Variants in NMT2 observed in about 807,000 individuals in gnomAD.
NMT2 encodes glycylpeptide N-tetradecanoyltransferase 2.
Under a neutral mutation model 65.4 loss-of-function variants are expected in NMT2, and 35 were observed. The observed-to-expected ratio is 0.54, with a 90% confidence interval of 0.41 to 0.71. The LOEUF (loss-of-function observed/expected upper bound fraction) is 0.71, where lower values mean the gene tolerates loss of function less well. NMT2 is among the 30% of genes least tolerant of loss of function. The pLI, the probability that NMT2 is intolerant of heterozygous loss-of-function variation, is 0.00. For synonymous variants in NMT2, 226 were observed against 231.8 expected (o/e 0.98, Z 0.23); for missense variants, 489 against 611.3 (o/e 0.80, Z 2.11).
At chr10:15,149,520 CCAT>C (rs1564585084) in intron 1 of NMT2, among the ~76,000 whole-genome samples, 25 of 63,514 alleles carry the variant, frequency 3.9e-4, no homozygotes, top group Admixed American at 3.3e-3. Context: ...ATTATCACCA[CCAT>C]CATCACCATC....
chr10:15,108,431 C>G lies in NMT2; in HGVS notation c.*764G>C. 1.2e-6 allele frequency: 1 copy of G among 805,104 alleles called. No individual in the cohort carries two copies. The highest frequency in any genetic ancestry group is 1.5e-6 in the Non-Finnish European group (1 of 665,746). 49.9% of individuals were successfully genotyped at this position (805,104 alleles called of 1,614,324 possible). ...CGATCTCCTGACCTCATGATCTGCC[C>G]ACCTTGGCCTCCCAAAGTGCTGGGA... On this transcript the variant is annotated 3_prime_UTR_variant, in exon 12 of 12. Coordinates refer to ENST00000378165, the MANE Select transcript of NMT2 (RefSeq NM_004808.3).
intron 1 of NMT2, among the ~76,000 whole-genome samples, chr10:15,160,235 G>A (rs1255707080): frequency 6.6e-6 from 1 of 152,230 alleles, no homozygotes; most frequent in Non-Finnish European, 1.5e-5. Context: ...AGCAAATGCT[G>A]TGCACAATAG....
At chr10:15,160,385 T>C (rs1193001864) in intron 1 of NMT2, among the ~76,000 whole-genome samples, 3 of 152,138 alleles carry the variant, frequency 2.0e-5, no homozygotes, top group Admixed American at 2.0e-4. Flanking sequence ...ATGGGGCAAG[T>C]TGGCTGCAGT....
intron 1 of NMT2, among the ~76,000 whole-genome samples, chr10:15,149,918 A>G (rs1290047425): frequency 6.6e-6 from 1 of 152,160 alleles, no homozygotes; most frequent in East Asian, 1.9e-4. Flanking sequence ...CTTTTCAGAT[A>G]ATTACCAGCA....
intron 3 of NMT2, among the ~76,000 whole-genome samples, chr10:15,133,809 A>C (rs1193108491): frequency 2.0e-5 from 3 of 152,124 alleles, no homozygotes; most frequent in Admixed American, 2.0e-4. Context: ...GCTGATCTCA[A>C]ACTCCTGGGT....
Position 15,106,779 on chromosome 10 carries a change from G to T in NMT2, c.*2416C>A. On this transcript the variant is annotated 3_prime_UTR_variant, in exon 12 of 12. Coordinates refer to ENST00000378165, the MANE Select transcript of NMT2 (RefSeq NM_004808.3). ...CAACAACTCAACTCAGCTTTGTAGT[G>T]TGAAGCAGCCATAGGCAATATGTAA... 1 of 397,628 alleles carries T rather than the reference G, an allele frequency of 2.5e-6. No homozygotes were observed. Among genetic ancestry groups the T allele is most frequent in the Non-Finnish European group, 3.4e-6 (1 of 292,778 alleles). The allele number at this position is 397,628 out of a possible 1,614,324, so 24.6% of individuals were successfully genotyped here.
chr10:15,161,260 G>A (rs1037245802), intron 1 of NMT2, among the ~76,000 whole-genome samples: 3 of 151,990 alleles, frequency 2.0e-5, no homozygotes, highest in Non-Finnish European at 4.4e-5. Context: ...TTTCAGACAT[G>A]CAAGAACTCA....
intron 6 of NMT2, among the ~76,000 whole-genome samples, chr10:15,131,710 A>G (rs1846292751): frequency 6.6e-6 from 1 of 152,182 alleles, no homozygotes; most frequent in Non-Finnish European, 1.5e-5. Flanking sequence ...TTCACAGTAA[A>G]TAAGCTAACC....
chr10:15,127,421 C>T (rs1056998880), intron 8 of NMT2, among the ~76,000 whole-genome samples: 11 of 149,266 alleles, frequency 7.4e-5, no homozygotes, highest in African/African-American at 2.7e-4. Context: ...CTGGCGGGCG[C>T]CTATAGTCCC....
intron 8 of NMT2, among the ~76,000 whole-genome samples, chr10:15,125,412 A>G (rs1376388561): frequency 6.6e-6 from 1 of 152,244 alleles, no homozygotes; most frequent in Admixed American, 6.5e-5. Flanking sequence ...GAGTCAAGTC[A>G]AAAATAGCTT....
intron 9 of NMT2, among the ~76,000 whole-genome samples, chr10:15,114,204 A>T (rs1845668184): frequency 6.6e-6 from 1 of 152,194 alleles, no homozygotes; most frequent in South Asian, 2.1e-4. Context: ...TTCTTCTAAG[A>T]ATTTCTCATA....
intron 1 of NMT2, among the ~76,000 whole-genome samples, chr10:15,155,521 A>G (rs1204470489): frequency 7.1e-6 from 1 of 141,304 alleles, no homozygotes; most frequent in African/African-American, 2.7e-5. Flanking sequence ...GGTGTATGCC[A>G]CTATGCCGGG....
chr10:15,117,786 GCCCC>G, intron 9 of NMT2, among the ~76,000 whole-genome samples: 1 of 152,030 alleles, frequency 6.6e-6, no homozygotes, highest in Non-Finnish European at 1.5e-5. Flanking sequence ...CATTATAATC[GCCCC>G]AAAGAAAGTG....
Position 15,105,963 on chromosome 10 carries a change from T to C in NMT2, c.*3232A>G. Reference sequence around the variant, plus strand: ...GTGTAACTGTCACCGTGAGGTAAGCTCATGACAAAGTTTCCAACTGGCAAT... The same window carrying C: ...GTGTAACTGTCACCGTGAGGTAAGCCCATGACAAAGTTTCCAACTGGCAAT... On this transcript the variant is annotated 3_prime_UTR_variant, in exon 12 of 12. Coordinates refer to ENST00000378165, the MANE Select transcript of NMT2 (RefSeq NM_004808.3). 5.2e-6 allele frequency: 2 copies of C among 387,460 alleles called. No homozygotes were observed. Among genetic ancestry groups the C allele is most frequent in the South Asian group, 1.9e-5 (1 of 53,906 alleles). The allele number at this position is 387,460 out of a possible 1,614,324, so 24.0% of individuals were successfully genotyped here.
intron 8 of NMT2, among the ~76,000 whole-genome samples, chr10:15,126,462 C>T (rs1846078409): frequency 6.6e-6 from 1 of 151,756 alleles, no homozygotes; most frequent in South Asian, 2.1e-4. Context: ...GCAATGGCGA[C>T]TGGATGTCAC....
intron 1 of NMT2, among the ~76,000 whole-genome samples, chr10:15,163,034 G>C (rs1238121442): frequency 1.3e-5 from 2 of 151,802 alleles, no homozygotes; most frequent in African/African-American, 4.8e-5. Flanking sequence ...TCCCATCTCA[G>C]CCTCCCAAGT....
chr10:15,141,192 G>A, intron 2 of NMT2: 1 of 804,822 alleles, frequency 1.2e-6, no homozygotes, highest in South Asian at 1.8e-5. Flanking sequence ...TGAGAAAAGG[G>A]AAAAACACAG....
chr10:15,110,631 G>A (rs977200862), intron 10 of NMT2, among the ~76,000 whole-genome samples: 3 of 127,226 alleles, frequency 2.4e-5, no homozygotes, highest in South Asian at 4.3e-4. Flanking sequence ...GTGAGCGCCT[G>A]TCTCAAAAAA....
chr10:15,155,071 C>A (rs759840233), intron 1 of NMT2: 5 of 1,341,708 alleles, frequency 3.7e-6, no homozygotes, highest in Non-Finnish European at 5.3e-6. Flanking sequence ...AAGTTCTCAT[C>A]ATCAAATTTC....
Sources: gnomAD v4.1 joint callset for allele counts (sites outside exome capture counted in the v4.1 genomes callset) on GRCh38, gnomAD v4.1.1 for gene constraint, MANE v1.5 for transcripts, NCBI Gene and HGNC (gene_info 2026-07-23, HGNC 2026-07-21) for gene names.